ABI3BP: variants seen among roughly 807,000 people sequenced by gnomAD.
ABI3BP encodes ABI family member 3 binding protein, also known as target of Nesh-SH3.
ABI3BP carries 216 observed loss-of-function variants against 268.6 expected under a neutral mutation model. The ratio of observed to expected loss-of-function variants is 0.80; its 90% CI spans 0.72 to 0.90. The LOEUF is 0.90. ABI3BP is among the 40% of genes least tolerant of loss of function. The pLI, the probability that ABI3BP is intolerant of heterozygous loss-of-function variation, is 0.00. For synonymous variants in ABI3BP, 730 were observed against 730.0 expected, an observed-to-expected ratio of 1.00 and a Z score of 0.00; for missense variants, 2,090 against 2,182.4, an observed-to-expected ratio of 0.96 and a Z score of 0.84.
At chr3:100,796,502 C>G (rs2097349945) in intron 51 of ABI3BP, 34 bp from the exon 52 acceptor site, 1 of 1,517,744 alleles carries the variant, frequency 6.6e-7, no homozygotes. Context: ...ACTGCATACT[C>G]TAAATAACCC....
At chr3:100,757,437 T>G (rs552106061) in intron 63 of ABI3BP, among the ~76,000 whole-genome samples, 1 of 152,278 alleles carries the variant, frequency 6.6e-6, no homozygotes, top group East Asian at 1.9e-4. Flanking sequence ...CAGGATGACA[T>G]TTGACTTTTT....
chr3:100,976,498 G>A (rs17398684), intron 1 of ABI3BP, among the ~76,000 whole-genome samples: 15,693 of 152,092 alleles, frequency 0.1, 1,096 homozygotes, highest in Non-Finnish European at 0.15. Flanking sequence ...TATCCTGTTT[G>A]GTTTGTGTAT....
At chr3:100,804,562 A>G (rs1202915244) in intron 51 of ABI3BP, among the ~76,000 whole-genome samples, 1 of 152,178 alleles carries the variant, frequency 6.6e-6, no homozygotes, top group Non-Finnish European at 1.5e-5. Flanking sequence ...TCTAGGAAAG[A>G]CATTCTACCC....
intron 62 of ABI3BP, among the ~76,000 whole-genome samples, chr3:100,770,209 C>T (rs1383437100): frequency 6.6e-6 from 1 of 152,118 alleles, no homozygotes; most frequent in Non-Finnish European, 1.5e-5. Flanking sequence ...ATAACAAATT[C>T]AGAGTGTCTT....
At position 100,973,395 on chromosome 3, in the gene ABI3BP, TAA is replaced by T. The variant is rs551603186; in HGVS notation, c.79+19909_79+19910del. On this transcript the variant is annotated intron_variant, in intron 1 of 67. Coordinates refer to ENST00000471714, the MANE Select transcript of ABI3BP (RefSeq NM_001375547.2). ...TAATTTGGTGTTTCCAGCAACTTTATAAAACATTACTACTGCAAATAATGAGA... is the reference window on the plus strand; with the variant it reads ...TAATTTGGTGTTTCCAGCAACTTTATAACATTACTACTGCAAATAATGAGA... Among the ~76,000 whole-genome samples, 46 of 152,266 alleles carry T rather than the reference TAA, an allele frequency of 3.0e-4. No individual in the cohort carries two copies. The South Asian group carries it at 9.5e-3, about 32-fold the overall frequency.
In ABI3BP at chr3:100,775,346, G is replaced by C; in HGVS notation, c.4334-11C>G. ...CTGATGAAATGATTCCTGTAAAGTA[G>C]AGCCAAAGTAGTCAGGCTTTATAGG... On this transcript the variant is annotated splice_polypyrimidine_tract_variant and intron_variant, in intron 59 of 67. Transcript: ENST00000471714. The C allele has an allele frequency of 6.3e-7, 1 of 1,595,940 alleles. No homozygotes were observed. The highest frequency in any genetic ancestry group is 8.5e-7 in the Non-Finnish European group (1 of 1,170,370).
chr3:100,952,190 T>C (rs560969206), intron 1 of ABI3BP, among the ~76,000 whole-genome samples: 10 of 152,302 alleles, frequency 6.6e-5, no homozygotes, highest in African/African-American at 2.2e-4. Flanking sequence ...TCAAGAAACA[T>C]TTTAAGTTCA....
At chr3:100,889,793 T>C (rs1582096431) in intron 4 of ABI3BP, among the ~76,000 whole-genome samples, 2 of 152,110 alleles carry the variant, frequency 1.3e-5, no homozygotes, top group African/African-American at 2.4e-5. Context: ...ATTGTTGTTA[T>C]AGCATTGAAA....
At chr3:100,964,695 C>T (rs575920977) in intron 1 of ABI3BP, among the ~76,000 whole-genome samples, 1 of 152,270 alleles carries the variant, frequency 6.6e-6, no homozygotes, top group African/African-American at 2.4e-5. Flanking sequence ...ATGCATGGGT[C>T]CTGGCCCACA....
intron 20 of ABI3BP, among the ~76,000 whole-genome samples, chr3:100,843,401 A>AGTGTGT (rs58147308): frequency 6.7e-6 from 1 of 149,006 alleles, no homozygotes; most frequent in Non-Finnish European, 1.5e-5. Context: ...AAAAATTCTG[A>AGTGTGT]GTGTGTGTGT....
At chr3:100,842,302 G>C (rs2098715518) in intron 20 of ABI3BP, among the ~76,000 whole-genome samples, 2 of 152,152 alleles carry the variant, frequency 1.3e-5, no homozygotes, top group Non-Finnish European at 2.9e-5. Flanking sequence ...TACTAACTTA[G>C]AGGGAGTTCT....
rs72930607 is a variant in ABI3BP, at chr3:100,751,483, C to T, written c.5245+69G>A. 7.2e-3 allele frequency: 10,137 copies of T among 1,413,910 alleles called. 603 individuals carry two copies. In the African/African-American group the frequency reaches 0.13, roughly 18 times the overall value. The allele number at this position is 1,413,910 out of a possible 1,614,324, so 87.6% of individuals were successfully genotyped here. A position where few individuals can be genotyped will look rare whatever the true frequency, so the allele number is the denominator to read the frequency against. On this transcript the variant is annotated intron_variant, in intron 67 of 67. Coordinates refer to ENST00000471714, the MANE Select transcript of ABI3BP (RefSeq NM_001375547.2). Reference sequence around the variant, plus strand: ...GAATTCTTTTTAAATTGCTTGCTTTCCTCAGCTTGATTTCTTTCTGAGTTA... The same window carrying T: ...GAATTCTTTTTAAATTGCTTGCTTTTCTCAGCTTGATTTCTTTCTGAGTTA...
At chr3:100,765,807 T>C in intron 63 of ABI3BP, 34 bp downstream of exon 63, 1 of 1,488,824 alleles carries the variant, frequency 6.7e-7, no homozygotes, top group Non-Finnish European at 9.3e-7. Context: ...TTTTGCACTC[T>C]CAGAATTTAC....
intron 1 of ABI3BP, among the ~76,000 whole-genome samples, chr3:100,973,255 T>G (rs2084560755): frequency 6.6e-6 from 1 of 152,166 alleles, no homozygotes; most frequent in Non-Finnish European, 1.5e-5. Context: ...TAAGGCATCT[T>G]TAAACAGAAA....
chr3:100,753,073 A>G (rs1327914940), intron 65 of ABI3BP, 125 bp from the exon 66 acceptor site: 1 of 786,124 alleles, frequency 1.3e-6, no homozygotes, highest in Admixed American at 2.9e-5. Flanking sequence ...TACTGGAGCC[A>G]AAAATATTAG....
At chr3:100,867,887 C>T (rs965444270) in intron 9 of ABI3BP, among the ~76,000 whole-genome samples, 1 of 151,970 alleles carries the variant, frequency 6.6e-6, no homozygotes, top group African/African-American at 2.4e-5. Context: ...CCTCTTTATG[C>T]AACTATTTGA....
intron 50 of ABI3BP, among the ~76,000 whole-genome samples, chr3:100,805,963 C>G (rs1031699612): frequency 6.6e-6 from 1 of 151,900 alleles, no homozygotes. Context: ...CATGTGAAAT[C>G]TAGGAGCACC....
At chr3:100,764,568 G>A (rs1467230768) in intron 63 of ABI3BP, among the ~76,000 whole-genome samples, 1 of 152,186 alleles carries the variant, frequency 6.6e-6, no homozygotes, top group Non-Finnish European at 1.5e-5. Flanking sequence ...AAACCACAGT[G>A]AACATTTAGA....
At chr3:100,927,369 G>A (rs561417125) in intron 1 of ABI3BP, among the ~76,000 whole-genome samples, 3 of 152,248 alleles carry the variant, frequency 2.0e-5, no homozygotes, top group Middle Eastern at 3.4e-3. Context: ...GAAGATACTC[G>A]AGCCTTATCT....
Sources: allele counts gnomAD v4.1 joint callset (sites outside exome capture counted in the v4.1 genomes callset), GRCh38; gene constraint gnomAD v4.1.1; transcripts MANE v1.5; gene names NCBI Gene and HGNC (gene_info 2026-07-23, HGNC 2026-07-21).